Variants in PLD5 observed in about 807,000 individuals in gnomAD.
PLD5 encodes inactive phospholipase D5.
In PLD5, 36 loss-of-function variants were observed where a neutral mutation model predicts 61.1. The ratio of observed to expected loss-of-function variants is 0.59; its 90% CI spans 0.45 to 0.78. The LOEUF (loss-of-function observed/expected upper bound fraction) is 0.78, where lower values mean the gene tolerates loss of function less well. Among genes scored for constraint, PLD5 ranks in the 30% least tolerant of loss-of-function variants. The pLI, the probability that PLD5 is intolerant of heterozygous loss-of-function variation, is 0.00. For missense variants in PLD5, 515 were observed against 644.4 expected, an observed-to-expected ratio of 0.80 and a Z score of 2.17; for synonymous variants, 243 against 242.8, an observed-to-expected ratio of 1.00 and a Z score of -0.01.
intron 1 of PLD5, among the ~76,000 whole-genome samples, chr1:242,359,803 A>G (rs1660968864): frequency 6.6e-6 from 1 of 152,230 alleles, no homozygotes; most frequent in Admixed American, 6.5e-5. Flanking sequence ...TTAAAGCAAT[A>G]CATAGAAGAT....
intron 1 of PLD5, among the ~76,000 whole-genome samples, chr1:242,510,642 G>A (rs1668875129): frequency 6.6e-6 from 1 of 151,972 alleles, no homozygotes; most frequent in Non-Finnish European, 1.5e-5. Flanking sequence ...TCAGGAGATC[G>A]AGACCATTCT....
intron 5 of PLD5, among the ~76,000 whole-genome samples, chr1:242,214,098 A>T (rs567463088): frequency 6.6e-6 from 1 of 152,280 alleles, no homozygotes; most frequent in African/African-American, 2.4e-5. Context: ...TCCTGCTGAT[A>T]AACTCCTTCA....
chr1:242,371,670 G>T (rs1306716463), intron 1 of PLD5, among the ~76,000 whole-genome samples: 1 of 151,940 alleles, frequency 6.6e-6, no homozygotes, highest in Admixed American at 6.6e-5. Flanking sequence ...GCCCAATCCA[G>T]GGCAGAGCTT....
intron 5 of PLD5, among the ~76,000 whole-genome samples, chr1:242,165,069 G>C (rs1270756595): frequency 1.3e-5 from 2 of 152,034 alleles, no homozygotes; most frequent in African/African-American, 4.8e-5. Flanking sequence ...GGGGTGAGAG[G>C]TCTCTCTCAG....
chr1:242,430,893 C>T (rs1665680259), intron 1 of PLD5, among the ~76,000 whole-genome samples: 1 of 152,270 alleles, frequency 6.6e-6, no homozygotes, highest in African/African-American at 2.4e-5. Context: ...TGCCCCACGC[C>T]TGTCCTGCAG....
intron 1 of PLD5, among the ~76,000 whole-genome samples, chr1:242,382,082 AT>A (rs1318797780): frequency 1.4e-5 from 2 of 147,474 alleles, no homozygotes; most frequent in East Asian, 4.1e-4. Flanking sequence ...ACAGTGGGTG[AT>A]TCCCGGGGTT....
intron 1 of PLD5, among the ~76,000 whole-genome samples, chr1:242,500,294 T>C (rs150143275): frequency 6.6e-6 from 1 of 152,318 alleles, no homozygotes; most frequent in East Asian, 1.9e-4. Context: ...TACAGTTTAT[T>C]TGGTTACACA....
At chr1:242,512,187 A>G (rs755843995) in intron 1 of PLD5, among the ~76,000 whole-genome samples, 42 of 151,874 alleles carry the variant, frequency 2.8e-4, no homozygotes, top group Middle Eastern at 3.4e-3. Flanking sequence ...CAAGGAGGGC[A>G]GATCACGAGG....
chr1:242,406,814 G>A (rs564979017), intron 1 of PLD5, among the ~76,000 whole-genome samples: 13 of 152,260 alleles, frequency 8.5e-5, no homozygotes, highest in South Asian at 8.3e-4. Flanking sequence ...TCAGAAGGTC[G>A]TCCTGGTTAG....
chr1:242,470,463 C>A (rs1379593558), intron 1 of PLD5, among the ~76,000 whole-genome samples: 2 of 152,010 alleles, frequency 1.3e-5, no homozygotes, highest in African/African-American at 4.8e-5. Flanking sequence ...CTTATTTAAC[C>A]GGGTGGATTT....
At chr1:242,250,980 G>A (rs1289453352) in intron 4 of PLD5, among the ~76,000 whole-genome samples, 1 of 152,184 alleles carries the variant, frequency 6.6e-6, no homozygotes, top group Non-Finnish European at 1.5e-5. Context: ...GGAAATCAAG[G>A]TTAGCTCTAG....
intron 2 of PLD5, among the ~76,000 whole-genome samples, chr1:242,337,394 G>C (rs1659582625): frequency 6.6e-6 from 1 of 152,096 alleles, no homozygotes; most frequent in Non-Finnish European, 1.5e-5. Flanking sequence ...ACTTTGGGAG[G>C]TCAAGGCGGA....
chr1:242,196,581 C>T lies in PLD5; in HGVS notation c.735+23407G>A, dbSNP rs946274224. 2.0e-5 allele frequency among the ~76,000 whole-genome samples: 3 copies of T among 152,158 alleles called. No individual in the cohort carries two copies. In the South Asian group the frequency reaches 6.2e-4, roughly 32 times the overall value. ...ACATATATAAATGCATACACATGTA[C>T]ATATACATGTACACACACATATATA... On this transcript the variant is annotated intron_variant, in intron 5 of 9. Transcript: ENST00000536534.
intron 4 of PLD5, among the ~76,000 whole-genome samples, chr1:242,246,476 A>AC (rs1672364493): frequency 3.1e-5 from 2 of 65,018 alleles, no homozygotes; most frequent in Admixed American, 1.7e-4. Flanking sequence ...CATAGAAAAG[A>AC]CAACACACAC....
At chr1:242,475,188 C>T (rs796265745) in intron 1 of PLD5, among the ~76,000 whole-genome samples, 1 of 152,312 alleles carries the variant, frequency 6.6e-6, no homozygotes, top group Admixed American at 6.5e-5. Context: ...GGCACACACA[C>T]GTGCGCACGC....
intron 5 of PLD5, among the ~76,000 whole-genome samples, chr1:242,181,275 G>T (rs1574465816): frequency 6.6e-6 from 1 of 152,132 alleles, no homozygotes; most frequent in Non-Finnish European, 1.5e-5. Context: ...CAGTAGCAAG[G>T]CGATGGGCCT....
At chr1:242,494,606 G>A (rs575465906) in intron 1 of PLD5, among the ~76,000 whole-genome samples, 29 of 152,182 alleles carry the variant, frequency 1.9e-4, no homozygotes, top group African/African-American at 4.8e-4. Flanking sequence ...TGGTGTTTGC[G>A]GTTGCTTGCT....
chr1:242,095,690 C>A (rs959150948), intron 9 of PLD5, among the ~76,000 whole-genome samples: 3 of 152,128 alleles, frequency 2.0e-5, no homozygotes, highest in African/African-American at 7.2e-5. Flanking sequence ...AATTGACACA[C>A]AACATCTTAC....
Position 242,156,258 on chromosome 1 carries a change from A to G in PLD5, c.736-31593T>C, listed in dbSNP as rs545291235. On this transcript the variant is annotated intron_variant, in intron 5 of 9. Transcript: ENST00000536534. ...GCCTATGTGTGTCTTTGTATGTGAG[A>G]TGGGTCTCCTGAATACAGCAGACTG... Among the ~76,000 whole-genome samples the G allele has an allele frequency of 5.9e-5, 9 of 152,226 alleles. No homozygotes were observed. The South Asian group carries it at 1.2e-3, about 21-fold the overall frequency.
Sources: gnomAD v4.1 joint callset for allele counts (sites outside exome capture counted in the v4.1 genomes callset) on GRCh38, gnomAD v4.1.1 for gene constraint, MANE v1.5 for transcripts, NCBI Gene and HGNC (gene_info 2026-07-23, HGNC 2026-07-21) for gene names.